The following ELMO1 variants were observed in gnomAD, a reference collection of about 807,000 sequenced individuals.
ELMO1 encodes the protein engulfment and cell motility protein 1.
ELMO1 carries 26 observed loss-of-function variants against 98.9 expected under a neutral mutation model. The observed-to-expected ratio is 0.26, with a 90% CI of 0.19 to 0.36. The LOEUF (loss-of-function observed/expected upper bound fraction) is 0.36, where lower values mean the gene tolerates loss of function less well. Ranked by LOEUF, ELMO1 falls within the 10% of genes least tolerant of loss-of-function variation. ELMO1 has a pLI of 1.00. For synonymous variants in ELMO1, 346 were observed against 346.0 expected (o/e 1.00, Z 0.00); for missense variants, 627 against 935.2 (o/e 0.67, Z 4.30).
intron 8 of ELMO1, among the ~76,000 whole-genome samples, chr7:37,228,313 T>C (rs148478991): frequency 3.2e-4 from 48 of 152,354 alleles, no homozygotes; most frequent in Non-Finnish European, 3.4e-4. Flanking sequence ...GATCTTCATA[T>C]AGCTAGAGAA....
intron 14 of ELMO1, among the ~76,000 whole-genome samples, chr7:37,110,048 C>A (rs996443107): frequency 6.6e-6 from 1 of 152,182 alleles, no homozygotes; most frequent in African/African-American, 2.4e-5. Flanking sequence ...TCCTCCCCTG[C>A]CACATGAGGT....
Position 36,918,954 on chromosome 7 carries a change from A to G in ELMO1, c.1438-23937T>C, listed in dbSNP as rs138439939. 1.8e-3 allele frequency among the ~76,000 whole-genome samples: 265 copies of G among 150,304 alleles called. 6 individuals carry two copies. In the South Asian group the frequency reaches 0.031, roughly 17 times the overall value. Reference sequence around the variant, plus strand: ...ACCCATAGCAAGAGAGTTAATCTATAAGAGCAAGCAAGCATGCCTTCATTC... The same window carrying G: ...ACCCATAGCAAGAGAGTTAATCTATGAGAGCAAGCAAGCATGCCTTCATTC... On this transcript the variant is annotated intron_variant, in intron 16 of 21. Coordinates refer to ENST00000310758, the MANE Select transcript of ELMO1 (RefSeq NM_014800.11).
At chr7:37,030,264 T>C (rs1026243717) in intron 15 of ELMO1, among the ~76,000 whole-genome samples, 3 of 152,216 alleles carry the variant, frequency 2.0e-5, no homozygotes, top group African/African-American at 4.8e-5. Flanking sequence ...AAATGCAAGT[T>C]GATACTCTCA....
chr7:37,257,345 T>G (rs1795721163), intron 6 of ELMO1, among the ~76,000 whole-genome samples: 1 of 152,090 alleles, frequency 6.6e-6, no homozygotes, highest in African/African-American at 2.4e-5. Context: ...TCCCAGCACT[T>G]TGGGAGGCAG....
At chr7:36,999,402 T>C (rs548579073) in intron 16 of ELMO1, among the ~76,000 whole-genome samples, 1 of 152,290 alleles carries the variant, frequency 6.6e-6, no homozygotes, top group East Asian at 1.9e-4. Context: ...AACAACTCCA[T>C]GACGATCAGT....
chr7:36,970,180 A>AACACACACACACACAC (rs56928749), intron 16 of ELMO1, among the ~76,000 whole-genome samples: 238 of 144,334 alleles, frequency 1.6e-3, no homozygotes, highest in African/African-American at 6.0e-3. Flanking sequence ...TCATACACTT[A>AACACACACACACACAC]ACACACACAC....
chr7:37,171,000 A>G (rs1371340454), intron 13 of ELMO1, among the ~76,000 whole-genome samples: 2 of 152,162 alleles, frequency 1.3e-5, no homozygotes, highest in African/African-American at 4.8e-5. Flanking sequence ...TATTTCACCA[A>G]TATTCTTTAT....
chr7:37,173,671 G>T (rs12670919), intron 13 of ELMO1, among the ~76,000 whole-genome samples: 107,351 of 152,154 alleles, frequency 0.71, 40,562 homozygotes, highest in Non-Finnish European at 0.83. Context: ...ACTCAAAACA[G>T]AAACCCAAGG....
intron 14 of ELMO1, among the ~76,000 whole-genome samples, chr7:37,122,691 C>G (rs971139677): frequency 1.3e-5 from 2 of 152,142 alleles, no homozygotes. Flanking sequence ...TAATGGGAGA[C>G]TTTAACACCC....
intron 18 of ELMO1, among the ~76,000 whole-genome samples, chr7:36,887,169 T>A (rs541854495): frequency 6.6e-6 from 1 of 152,270 alleles, no homozygotes; most frequent in African/African-American, 2.4e-5. Context: ...CTTCTTAGGG[T>A]TATGGTGAGG....
chr7:37,098,634 A>G (rs1784484815), intron 14 of ELMO1, among the ~76,000 whole-genome samples: 1 of 152,190 alleles, frequency 6.6e-6, no homozygotes, highest in Non-Finnish European at 1.5e-5. Flanking sequence ...AAGCATAGAC[A>G]ATTTCATTTC....
At chr7:37,206,190 T>C (rs1011273011) in intron 13 of ELMO1, among the ~76,000 whole-genome samples, 5 of 152,358 alleles carry the variant, frequency 3.3e-5, no homozygotes, top group African/African-American at 7.2e-5. Context: ...ACAGACTATG[T>C]AGCAAGCACT....
At chr7:37,060,275 C>T (rs938764328) in intron 15 of ELMO1, among the ~76,000 whole-genome samples, 1 of 152,086 alleles carries the variant, frequency 6.6e-6, no homozygotes, top group Non-Finnish European at 1.5e-5. Flanking sequence ...AATGGGTGTA[C>T]GGAATTTTAA....
intron 1 of ELMO1, among the ~76,000 whole-genome samples, chr7:37,440,914 T>C (rs1805390104): frequency 6.6e-6 from 1 of 152,010 alleles, no homozygotes; most frequent in Non-Finnish European, 1.5e-5. Context: ...ACTCCTCCAC[T>C]AGCTCTACCT....
chr7:37,420,106 G>A (rs1004051250), intron 1 of ELMO1, among the ~76,000 whole-genome samples: 2 of 152,152 alleles, frequency 1.3e-5, no homozygotes, highest in African/African-American at 4.8e-5. Context: ...GAGAGGTAAG[G>A]CCCCTGAGTC....
At chr7:37,364,976 T>C (rs945324686) in intron 1 of ELMO1, among the ~76,000 whole-genome samples, 2 of 152,212 alleles carry the variant, frequency 1.3e-5, no homozygotes, top group African/African-American at 4.8e-5. Context: ...CTTGAAAGGT[T>C]AGAAATGCGA....
intron 16 of ELMO1, among the ~76,000 whole-genome samples, chr7:36,957,091 C>T (rs1369119667): frequency 6.6e-6 from 1 of 152,224 alleles, no homozygotes; most frequent in Non-Finnish European, 1.5e-5. Context: ...AGCTCTTTTC[C>T]AATGTAAATA....
At chr7:37,279,336 G>A (rs921114991) in intron 4 of ELMO1, among the ~76,000 whole-genome samples, 10 of 152,172 alleles carry the variant, frequency 6.6e-5, no homozygotes, top group South Asian at 6.2e-4. Flanking sequence ...CATGGCGGAC[G>A]GGAGGCAGGA....
intron 16 of ELMO1, among the ~76,000 whole-genome samples, chr7:36,927,481 CCA>C (rs1452367918): frequency 6.6e-6 from 1 of 152,208 alleles, no homozygotes; most frequent in Non-Finnish European, 1.5e-5. Flanking sequence ...AACAGCAAAA[CCA>C]CATATAGAAA....
Sources: allele counts gnomAD v4.1 joint callset (sites outside exome capture counted in the v4.1 genomes callset), GRCh38; gene constraint gnomAD v4.1.1; transcripts MANE v1.5; gene names NCBI Gene and HGNC (gene_info 2026-07-23, HGNC 2026-07-21).